Variants in CDH22 observed in about 807,000 individuals in gnomAD.
CDH22 encodes the protein cadherin 22, also known as cadherin-22.
In CDH22, 30 loss-of-function variants were observed where a neutral mutation model predicts 58.4. That is an observed-to-expected ratio of 0.51 (90% CI 0.38 to 0.70). The LOEUF (loss-of-function observed/expected upper bound fraction) is 0.70, where lower values mean the gene tolerates loss of function less well. Among genes scored for constraint, CDH22 ranks in the 30% least tolerant of loss-of-function variants. The pLI is 0.00. For synonymous variants in CDH22, 513 were observed against 558.2 expected (o/e 0.92, Z 1.14); for missense variants, 1,014 against 1,233.9 (o/e 0.82, Z 2.67).
At chr20:46,242,525 T>C (rs2086298835) in intron 2 of CDH22, among the ~76,000 whole-genome samples, 1 of 152,212 alleles carries the variant, frequency 6.6e-6, no homozygotes, top group Non-Finnish European at 1.5e-5. Flanking sequence ...ACAAGGCCCT[T>C]AGCAGGTGCC....
chr20:46,197,534 C>T (rs956069607), intron 8 of CDH22, among the ~76,000 whole-genome samples: 1 of 152,018 alleles, frequency 6.6e-6, no homozygotes, highest in Non-Finnish European at 1.5e-5. Flanking sequence ...GGGCGTGTAT[C>T]TGTGAGTAGG....
At chr20:46,262,909 T>G (rs1164159860) in intron 1 of CDH22, among the ~76,000 whole-genome samples, 2 of 152,232 alleles carry the variant, frequency 1.3e-5, no homozygotes, top group African/African-American at 4.8e-5. Flanking sequence ...CTCTTGCCTC[T>G]GCCAACAATG....
intron 11 of CDH22, 140 bp from the exon 12 acceptor site, chr20:46,175,217 G>A (rs893519692): frequency 6.1e-6 from 5 of 823,380 alleles, no homozygotes; most frequent in Non-Finnish European, 3.6e-6. Context: ...CTGGATTTCT[G>A]TTCAAAAAGC....
At chr20:46,268,779 T>C (rs1248336324) in intron 1 of CDH22, among the ~76,000 whole-genome samples, 2 of 152,172 alleles carry the variant, frequency 1.3e-5, no homozygotes, top group Non-Finnish European at 2.9e-5. Context: ...CACTACCACA[T>C]CTGACCCTCA....
chr20:46,263,655 G>A (rs2086445005), intron 1 of CDH22, among the ~76,000 whole-genome samples: 1 of 152,094 alleles, frequency 6.6e-6, no homozygotes, highest in Non-Finnish European at 1.5e-5. Flanking sequence ...TGAGTGAGAT[G>A]TACTGAGGCA....
intron 1 of CDH22, among the ~76,000 whole-genome samples, chr20:46,277,861 T>C (rs973595355): frequency 1.3e-5 from 2 of 150,596 alleles, no homozygotes; most frequent in Non-Finnish European, 3.0e-5. Flanking sequence ...ACTTGATAAG[T>C]TGGGCTTTGA....
chr20:46,266,766 A>G (rs552140493), intron 1 of CDH22, among the ~76,000 whole-genome samples: 1 of 152,272 alleles, frequency 6.6e-6, no homozygotes, highest in African/African-American at 2.4e-5. Context: ...TGGAAGGTCA[A>G]ACTGCAGTTC....
At chr20:46,240,908 C>T in intron 3 of CDH22, 55 bp downstream of exon 3, 8 of 1,488,918 alleles carry the variant, frequency 5.4e-6, no homozygotes, top group Non-Finnish European at 6.4e-6. Flanking sequence ...TCCCAGCAGG[C>T]TCCACTTGGG....
chr20:46,222,219 C>T (rs542880185), intron 4 of CDH22, among the ~76,000 whole-genome samples: 1 of 152,326 alleles, frequency 6.6e-6, no homozygotes, highest in African/African-American at 2.4e-5. Flanking sequence ...CCTCCATAAA[C>T]AAGTTTCACA....
chr20:46,198,029 G>A lies in CDH22; in HGVS notation c.1423+1394C>T, dbSNP rs569592445. Among the ~76,000 whole-genome samples the A allele has an allele frequency of 1.8e-3, 270 of 152,244 alleles. 2 individuals are homozygous for A. In the South Asian group the frequency reaches 0.03, roughly 17 times the overall value. ...TCAGAGACTCAACCATATTCCTGTTGTCATGATTGCTTATTGGTGGCTCTG... is the reference window on the plus strand; with the variant it reads ...TCAGAGACTCAACCATATTCCTGTTATCATGATTGCTTATTGGTGGCTCTG... On this transcript the variant is annotated intron_variant, in intron 8 of 11. Transcript: ENST00000537909.
At chr20:46,214,223 G>A (rs2086065739) in intron 5 of CDH22, among the ~76,000 whole-genome samples, 1 of 152,140 alleles carries the variant, frequency 6.6e-6, no homozygotes, top group African/African-American at 2.4e-5. Flanking sequence ...GAAACCAGAA[G>A]GAATGAGATC....
intron 1 of CDH22, among the ~76,000 whole-genome samples, chr20:46,302,824 C>T (rs1321712021): frequency 2.0e-5 from 3 of 152,134 alleles, no homozygotes; most frequent in Admixed American, 1.3e-4. Context: ...CTCTTCATTT[C>T]GCATCTTCAC....
intron 1 of CDH22, among the ~76,000 whole-genome samples, chr20:46,270,451 C>T (rs1001265067): frequency 3.9e-5 from 6 of 152,180 alleles, no homozygotes; most frequent in Middle Eastern, 3.4e-3. Context: ...TCCTGACAAG[C>T]GATAGAGCTG....
intron 1 of CDH22, among the ~76,000 whole-genome samples, chr20:46,276,267 A>G (rs2086516573): frequency 6.6e-6 from 1 of 152,152 alleles, no homozygotes; most frequent in Non-Finnish European, 1.5e-5. Context: ...GACTTTAGAC[A>G]TGTTGGTGAT....
intron 1 of CDH22, among the ~76,000 whole-genome samples, chr20:46,270,312 CT>C (rs2086480582): frequency 6.6e-6 from 1 of 152,140 alleles, no homozygotes; most frequent in South Asian, 2.1e-4. Context: ...CAGGTAGGGC[CT>C]GCTGGGGCTG....
Position 46,251,418 on chromosome 20 carries a change from G to T in CDH22, c.-124C>A. On this transcript the variant is annotated 5_prime_UTR_variant, in exon 2 of 12. Transcript: ENST00000537909. This position sits in a 1 kb window ranked among gnomAD's most constrained non-coding sequence, Gnocchi z 6.7. ...GCCTCAGCGCGGCCGCCGGGATGTC[G>T]CCCCCGACGGGGCACCCGGACGGGC... The T allele has an allele frequency of 1.7e-6, 2 of 1,143,946 alleles. No homozygotes were observed. The highest frequency in any genetic ancestry group is 3.0e-4 in the Middle Eastern group (1 of 3,306). 70.9% of individuals were successfully genotyped at this position (1,143,946 alleles called of 1,614,324 possible).
At chr20:46,182,684 C>G (rs6131032) in intron 10 of CDH22, among the ~76,000 whole-genome samples, 1 of 152,244 alleles carries the variant, frequency 6.6e-6, no homozygotes, top group Admixed American at 6.5e-5. Flanking sequence ...CCTACCCCAC[C>G]CTTCTAGGTG....
intron 7 of CDH22, among the ~76,000 whole-genome samples, chr20:46,204,195 C>T (rs558654812): frequency 6.6e-6 from 1 of 151,992 alleles, no homozygotes; most frequent in South Asian, 2.1e-4. Flanking sequence ...GAGTTTGAGA[C>T]CAGCCTGGCC....
In CDH22 at chr20:46,251,435, C is replaced by A. The variant is rs917919392; in HGVS notation, c.-141G>T. On this transcript the variant is annotated 5_prime_UTR_variant, in exon 2 of 12. Transcript: ENST00000537909. This position sits in a 1 kb window ranked among gnomAD's most constrained non-coding sequence, Gnocchi z 6.7. ...GGGATGTCGCCCCCGACGGGGCACC[C>A]GGACGGGCCCGCGGCCCTGAACGCC... 14 of 1,002,624 alleles carry A rather than the reference C, an allele frequency of 1.4e-5. No individual in the cohort carries two copies. Among genetic ancestry groups the A allele is most frequent in the Non-Finnish European group, 1.8e-5 (14 of 762,868 alleles). The allele number at this position is 1,002,624 out of a possible 1,614,324, so 62.1% of individuals were successfully genotyped here.
Sources: allele counts gnomAD v4.1 joint callset (sites outside exome capture counted in the v4.1 genomes callset), GRCh38; gene constraint gnomAD v4.1.1; non-coding constraint Gnocchi (gnomAD v3.1); transcripts MANE v1.5; gene names NCBI Gene and HGNC (gene_info 2026-07-23, HGNC 2026-07-21).